The following BCL2L12 variants were observed in gnomAD, a reference collection of about 807,000 sequenced individuals.
The protein encoded by BCL2L12 is bcl-2-like protein 12.
A neutral mutation model predicts 25.7 loss-of-function variants in BCL2L12; 27 were observed. The ratio of observed to expected loss-of-function variants is 1.05; its 90% CI spans 0.78 to 1.45. The LOEUF is 1.45. BCL2L12 is among the 40% of genes most tolerant of loss of function. BCL2L12 has a pLI of 0.00. For synonymous variants in BCL2L12, 132 were observed against 145.6 expected, an observed-to-expected ratio of 0.91 and a Z score of 0.67; for missense variants, 302 against 329.8, an observed-to-expected ratio of 0.92 and a Z score of 0.65.
Position 49,669,076 on chromosome 19 carries a change from G to A in BCL2L12, c.390G>A (p.Val130=), listed in dbSNP as rs369131762. ...TEKEAILRRL[V]ALLEEEAEVI... is the part of the protein sequence containing the mutation. ...AGGAAGCCATACTGCGGAGGCTGGTGGCCCTGCTGGAGGAGGAGGCAGAAG... is the reference window on the plus strand; with the variant it reads ...AGGAAGCCATACTGCGGAGGCTGGTAGCCCTGCTGGAGGAGGAGGCAGAAG... The change falls in exon 5 of 7, where the codon GTG becomes GTA. Residue 130 remains valine (V), a synonymous_variant. Coordinates refer to ENST00000246784, the MANE Select transcript of BCL2L12 (RefSeq NM_138639.2). 4.3e-6 allele frequency: 7 copies of A among 1,614,140 alleles called. No individual in the cohort carries two copies. The South Asian group carries it at 7.7e-5, about 18-fold the overall frequency.
At chr19:49,669,716 TGGGGGTG>T (rs1388824141) in intron 5 of BCL2L12, among the ~76,000 whole-genome samples, 1 of 148,998 alleles carries the variant, frequency 6.7e-6, no homozygotes, top group Non-Finnish European at 1.5e-5. Context: ...TGAATGAATG[TGGGGGTG>T]GGGGGAGTGG....
chr19:49,669,726 G>A (rs1191801932), intron 5 of BCL2L12, among the ~76,000 whole-genome samples: 2 of 151,910 alleles, frequency 1.3e-5, no homozygotes, highest in Non-Finnish European at 2.9e-5. Flanking sequence ...TGGGGGTGGG[G>A]GGAGTGGCTA....
intron 6 of BCL2L12, among the ~76,000 whole-genome samples, chr19:49,671,466 A>T (rs1057429818): frequency 1.3e-5 from 2 of 152,084 alleles, no homozygotes; most frequent in Non-Finnish European, 2.9e-5. Context: ...ATAAATAAAA[A>T]TTTTTAAAAT....
chr19:49,665,431 GCCT>G (rs770116536), upstream of BCL2L12: 45 of 189,338 alleles, frequency 2.4e-4, no homozygotes, highest in Non-Finnish European at 4.2e-4. Flanking sequence ...CAGTGTAGAC[GCCT>G]CCTCTTTTCC....
chr19:49,666,565 T>G, intron 1 of BCL2L12, 120 bp from the exon 2 acceptor site: 1 of 701,730 alleles, frequency 1.4e-6, no homozygotes, highest in East Asian at 2.8e-5. Flanking sequence ...ACCCACACTC[T>G]CCAAAGGACC....
Position 49,673,788 on chromosome 19 carries a change from C to CCCTG in BCL2L12, c.*43_*46dup, listed in dbSNP as rs2082008716. ...GCTGCTACAAGATGACACCTCATGTCCCTGCCCTCTTCGTGTGCTTTTCCA... is the reference window on the plus strand; with the variant it reads ...GCTGCTACAAGATGACACCTCATGTCCCTGCCTGCCCTCTTCGTGTGCTTTTCCA... On this transcript the variant is annotated 3_prime_UTR_variant, in exon 7 of 7. Transcript: ENST00000246784. 2 of 1,609,354 alleles carry CCCTG rather than the reference C, an allele frequency of 1.2e-6. No individual in the cohort carries two copies. The highest frequency in any genetic ancestry group is 2.2e-5 in the South Asian group (2 of 90,996).
rs1319775134 is a variant in BCL2L12 at position 49,670,278 on chromosome 19, C to A, written c.492C>A (p.Arg164=). The change falls in exon 6 of 7, where the codon CGC becomes CGA. Residue 164 remains arginine, a synonymous_variant. Transcript: ENST00000246784. ...GCCTGTCCTCCGACTCTTTCGCCCGCCTGGTGGAGCTGTTCTGTAGCCGGG... is the reference window on the plus strand; with the variant it reads ...GCCTGTCCTCCGACTCTTTCGCCCGACTGGTGGAGCTGTTCTGTAGCCGGG... ...LVRLSSDSFA[R]LVELFCSRDD... The A allele has an allele frequency of 1.2e-6, 2 of 1,611,244 alleles. No homozygotes were observed. The highest frequency in any genetic ancestry group is 1.7e-6 in the Non-Finnish European group (2 of 1,179,564).
intron 5 of BCL2L12, among the ~76,000 whole-genome samples, chr19:49,669,784 ATG>A (rs1045491799): frequency 6.6e-6 from 1 of 152,074 alleles, no homozygotes; most frequent in Non-Finnish European, 1.5e-5. Context: ...GTAGGGGAAA[ATG>A]TACTACCAGA....
chr19:49,670,208 C>G lies in BCL2L12; in HGVS notation c.430-8C>G. The stretch of plus-strand genomic sequence containing the variant: ...GCTGACGCGGACCCTGCCTCTTCCA[C>G]CCTACAGCTGGCCTCGGACCCCGCC... On this transcript the variant is annotated splice_region_variant and splice_polypyrimidine_tract_variant and intron_variant, in intron 5 of 6. Coordinates refer to ENST00000246784, the MANE Select transcript of BCL2L12 (RefSeq NM_138639.2). The G allele has an allele frequency of 6.2e-7, 1 of 1,601,980 alleles. No homozygotes were observed. Among genetic ancestry groups the G allele is most frequent in the South Asian group, 1.1e-5 (1 of 90,702 alleles).
At chr19:49,668,974 G>C in intron 4 of BCL2L12, 37 bp downstream of exon 4, 1 of 1,613,960 alleles carries the variant, frequency 6.2e-7, no homozygotes, top group Non-Finnish European at 8.5e-7. Flanking sequence ...GGATGGCGGT[G>C]GGAGGATAGT....
chr19:49,671,919 C>T (rs112857999), intron 6 of BCL2L12, among the ~76,000 whole-genome samples: 9 of 152,212 alleles, frequency 5.9e-5, no homozygotes, highest in African/African-American at 1.7e-4. Flanking sequence ...ACCCTCCCAC[C>T]GCCCTCCTTC....
In BCL2L12 at chr19:49,666,768, G is replaced by A. The variant is rs2081788748; in HGVS notation, c.76G>A (p.Ala26Thr). ...VLAAFLRRGE[A>T]AGSPVPTPPR... is the part of the protein sequence containing the mutation. ...AGCTGCCTTCCTTAGGCGTGGTGAGGCTGCCGGGTCTCCTGTTCCAACTCC... is the reference window on the plus strand; with the variant it reads ...AGCTGCCTTCCTTAGGCGTGGTGAGACTGCCGGGTCTCCTGTTCCAACTCC... The change falls in exon 2 of 7, where the codon GCT (alanine) becomes ACT (threonine). Residue 26 changes from alanine to threonine, a missense_variant. By Grantham distance (58) the Ala-to-Thr change is moderately conservative. Coordinates refer to ENST00000246784, the MANE Select transcript of BCL2L12 (RefSeq NM_138639.2). The A allele has an allele frequency of 8.3e-6, 13 of 1,560,132 alleles. No homozygotes were observed. Among genetic ancestry groups the A allele is most frequent in the Non-Finnish European group, 1.0e-5 (12 of 1,151,398 alleles).
Position 49,666,925 on chromosome 19 carries a change from G to T in BCL2L12, c.108-94G>T, listed in dbSNP as rs907196298. On this transcript the variant is annotated intron_variant, in intron 2 of 6. Coordinates refer to ENST00000246784, the MANE Select transcript of BCL2L12 (RefSeq NM_138639.2). Reference sequence around the variant, plus strand: ...TATTCTCTGTCTTTGGGGTTTTGGAGAGAGGTCCTCAGCGGGGGAGGGAGG... The same window carrying T: ...TATTCTCTGTCTTTGGGGTTTTGGATAGAGGTCCTCAGCGGGGGAGGGAGG... 8.4e-6 allele frequency: 13 copies of T among 1,541,760 alleles called. No homozygotes were observed. In the South Asian group the frequency reaches 1.5e-4, roughly 18 times the overall value.
chr19:49,673,800 C>A lies in BCL2L12; in HGVS notation c.*52C>A. ...TGACACCTCATGTCCCTGCCCTCTTCGTGTGCTTTTCCAAGTCTTCCTATT... is the reference window on the plus strand; with the variant it reads ...TGACACCTCATGTCCCTGCCCTCTTAGTGTGCTTTTCCAAGTCTTCCTATT... On this transcript the variant is annotated 3_prime_UTR_variant, in exon 7 of 7. Transcript: ENST00000246784. 1.9e-6 allele frequency: 3 copies of A among 1,602,426 alleles called. No homozygotes were observed. The highest frequency in any genetic ancestry group is 1.7e-6 in the Non-Finnish European group (2 of 1,169,836).
intron 5 of BCL2L12, among the ~76,000 whole-genome samples, chr19:49,669,957 A>T (rs1170532011): frequency 1.3e-5 from 2 of 152,140 alleles, no homozygotes; most frequent in African/African-American, 4.8e-5. Flanking sequence ...AGATTAACTC[A>T]GTTACAGTAG....
rs1290314191 is a variant in BCL2L12, at chr19:49,666,005, T to C, written c.-71T>C. 6.3e-7 allele frequency: 1 copy of C among 1,596,536 alleles called. No homozygotes were observed. Among genetic ancestry groups the C allele is most frequent in the Admixed American group, 1.7e-5 (1 of 57,310 alleles). ...GGGAAAGTTGAACTAATAAAGTTTGTACGAGTTCAGTGGAGGAGACCGCAA... is the reference window on the plus strand; with the variant it reads ...GGGAAAGTTGAACTAATAAAGTTTGCACGAGTTCAGTGGAGGAGACCGCAA... On this transcript the variant is annotated 5_prime_UTR_variant, in exon 1 of 7. Transcript: ENST00000246784.
At position 49,670,104 on chromosome 19, in the gene BCL2L12, T is replaced by TTC. The variant is rs1599918711; in HGVS notation, c.430-112_430-111insTC. On this transcript the variant is annotated intron_variant, in intron 5 of 6. Coordinates refer to ENST00000246784, the MANE Select transcript of BCL2L12 (RefSeq NM_138639.2). The stretch of plus-strand genomic sequence containing the variant: ...TGGCTAATATGGATGAGGGGTGGCC[T>TTC]AGAACCTTAGCATCTAGAACGATCC... The TTC allele has an allele frequency of 1.0e-5, 14 of 1,394,764 alleles. No homozygotes were observed. In the East Asian group the frequency reaches 3.6e-4, roughly 36 times the overall value. The allele number at this position is 1,394,764 out of a possible 1,614,324, so 86.4% of individuals were successfully genotyped here. A position where few individuals can be genotyped will look rare whatever the true frequency, so the allele number is the denominator to read the frequency against.
At chr19:49,667,701 A>T (rs1399418854) in intron 3 of BCL2L12, among the ~76,000 whole-genome samples, 6 of 152,152 alleles carry the variant, frequency 3.9e-5, no homozygotes, top group Admixed American at 1.3e-4. Flanking sequence ...TGATGTCTGT[A>T]GTGAGTGAGG....
Position 49,667,142 on chromosome 19 carries a change from CT to C in BCL2L12, c.232del (p.Cys78AlafsTer4), listed in dbSNP as rs771802857. On this transcript the variant is annotated frameshift_variant, in exon 3 of 7. Coordinates refer to ENST00000246784, the MANE Select transcript of BCL2L12 (RefSeq NM_138639.2). LOFTEE classifies it high-confidence loss of function. ...GGCCTTGCTCTCTGCCCATCCGCCC[CT>C]GCTATGGTTTAGAGCCTGGTAAGAG... Reference protein sequence around the residue: ...PRPCSLPIRPCYGLEPGPATP... With the variant: ...PRPCSLPIRPXYGLEPGPATP... 5 of 1,613,784 alleles carry C rather than the reference CT, an allele frequency of 3.1e-6. No homozygotes were observed. In the Admixed American group the frequency reaches 8.3e-5, roughly 27 times the overall value.
Sources: allele counts gnomAD v4.1 joint callset (sites outside exome capture counted in the v4.1 genomes callset), GRCh38; gene constraint gnomAD v4.1.1; transcripts MANE v1.5; gene names NCBI Gene and HGNC (gene_info 2026-07-23, HGNC 2026-07-21).